FANCD2: variants seen among roughly 807,000 people sequenced by gnomAD.
The protein encoded by FANCD2 is Fanconi anemia group D2 protein.
A neutral mutation model predicts 192.3 loss-of-function variants in FANCD2; 131 were observed. The observed-to-expected ratio is 0.68, with a 90% CI of 0.59 to 0.79. The LOEUF is 0.79. Among genes scored for constraint, FANCD2 ranks in the 30% least tolerant of loss-of-function variants. The pLI is 0.00. For missense variants in FANCD2, 1,508 were observed against 1,701.6 expected, an observed-to-expected ratio of 0.89 and a Z score of 2.00; for synonymous variants, 524 against 612.5, an observed-to-expected ratio of 0.86 and a Z score of 2.13.
At chr3:10,053,808 G>C (rs1458646295) in intron 18 of FANCD2, among the ~76,000 whole-genome samples, 1 of 152,240 alleles carries the variant, frequency 6.6e-6, no homozygotes, top group East Asian at 1.9e-4. Context: ...ATGGGTCTGT[G>C]ATCAGCTAAC....
chr3:10,067,242 G>A lies in FANCD2; in HGVS notation c.2419G>A (p.Glu807Lys). Residue 807 changes from glutamate (E) to lysine (K), a missense_variant, in exon 26 of 44, where the codon GAG becomes AAG. Glu to Lys is a moderately conservative substitution (Grantham distance 56). Transcript: ENST00000675286. ...TGCCTTCTGCCAGGAAACATCACCT[G>A]AGATGAAGGGGAAGGTGCTCACTCG... ...VNAFCQETSP[E>K]MKGKVLTRLK... The A allele has an allele frequency of 6.2e-7, 1 of 1,613,590 alleles. No individual in the cohort carries two copies. Among genetic ancestry groups the A allele is most frequent in the East Asian group, 2.2e-5 (1 of 44,880 alleles).
At position 10,090,673 on chromosome 3, in the gene FANCD2, T is replaced by C. The variant is rs190275884; in HGVS notation, c.3777+288T>C. ...CAGGGTTTCACCATGTTGGCCAGGC[T>C]AGTCTCGAACTCCTGACTTCATGAT... On this transcript the variant is annotated intron_variant, in intron 37 of 43. Transcript: ENST00000675286. Among the ~76,000 whole-genome samples, 59 of 152,242 alleles carry C rather than the reference T, an allele frequency of 3.9e-4. 1 individual carries two copies. The highest frequency in any genetic ancestry group is 1.3e-3 in the African/African-American group (56 of 41,558).
At chr3:10,037,684 T>C (rs1393274697) in intron 7 of FANCD2, 1 of 152,136 alleles carries the variant, frequency 6.6e-6, no homozygotes, top group Non-Finnish European at 1.5e-5. Flanking sequence ...AATAAAGAAA[T>C]GTAAATAATT....
At chr3:10,067,712 C>T (rs538869047) in intron 26 of FANCD2, among the ~76,000 whole-genome samples, 3 of 152,246 alleles carry the variant, frequency 2.0e-5, no homozygotes, top group Admixed American at 6.5e-5. Context: ...ACAGGAGAAT[C>T]GCTTGAACCT....
chr3:10,081,410 T>A lies in FANCD2; in HGVS notation c.3170T>A (p.Ile1057Lys). 3 of 1,614,152 alleles carry A rather than the reference T, an allele frequency of 1.9e-6. No individual in the cohort carries two copies. Among genetic ancestry groups the A allele is most frequent in the Non-Finnish European group, 2.5e-6 (3 of 1,179,996 alleles). Residue 1057 changes from isoleucine (I) to lysine (K), a missense_variant, in exon 32 of 44, where the codon ATA becomes AAA. By Grantham distance (102) the Ile-to-Lys change is moderately radical (BLOSUM62 -3). Around this residue, in one of 5 missense-constraint regions of FANCD2, gnomAD observed 796 missense variants for 879.4 expected, o/e 0.91. Transcript: ENST00000675286. ...GPGVKVQEYHIMSSCYQRLLQ... is the reference protein window; with the variant it reads ...GPGVKVQEYHKMSSCYQRLLQ... ...GGAGTGAAAGTTCAGGAGTACCACA[T>A]AATGTCTTCCTGCTATCAGAGGCTG...
intron 15 of FANCD2, among the ~76,000 whole-genome samples, chr3:10,047,578 C>T (rs1288242885): frequency 2.0e-5 from 3 of 152,256 alleles, no homozygotes; most frequent in Non-Finnish European, 4.4e-5. Context: ...CAAGGTGGAA[C>T]ATCCCTGGGG....
At position 10,047,942 on chromosome 3, in the gene FANCD2, T is replaced by A; in HGVS notation, c.1304T>A (p.Ile435Asn). Residue 435 changes from isoleucine to asparagine, a missense_variant, in exon 16 of 44, where the codon ATT (isoleucine) becomes AAT (asparagine). Ile to Asn is a moderately radical substitution (Grantham distance 149). Coordinates refer to ENST00000675286, the MANE Select transcript of FANCD2 (RefSeq NM_001018115.3). ...YLVLKDMCSS[I>N]LSLAQSLLHS... ...GTTCTTAAGGATATGTGTTCATCCA[T>A]TCTGTCGCTGGCTCAGAGTTTGCTT... 1 of 1,613,344 alleles carries A rather than the reference T, an allele frequency of 6.2e-7. No individual in the cohort carries two copies. The highest frequency in any genetic ancestry group is 1.1e-5 in the South Asian group (1 of 91,052).
intron 2 of FANCD2, among the ~76,000 whole-genome samples, chr3:10,031,336 T>A (rs552126934): frequency 6.6e-6 from 1 of 152,000 alleles, no homozygotes; most frequent in Admixed American, 6.6e-5. Flanking sequence ...ACCCCGTCTC[T>A]ACTAAAAATA....
At position 10,087,281 on chromosome 3, in the gene FANCD2, CTTTTTTTT is replaced by C; in HGVS notation, c.3466+29_3466+36del. ...AAAAAATTGGTGATGGGCCTAGATCCTTTTTTTTTTTTTTTTTTTAATGAATAGGACTA... is the reference window on the plus strand; with the variant it reads ...AAAAAATTGGTGATGGGCCTAGATCCTTTTTTTTTTTAATGAATAGGACTA... On this transcript the variant is annotated intron_variant, in intron 34 of 43. Transcript: ENST00000675286. 2 of 1,310,514 alleles carry C rather than the reference CTTTTTTTT, an allele frequency of 1.5e-6. No homozygotes were observed. The highest frequency in any genetic ancestry group is 2.0e-6 in the Non-Finnish European group (2 of 996,794). 81.2% of individuals were successfully genotyped at this position (1,310,514 alleles called of 1,614,324 possible).
chr3:10,039,769 C>T lies in FANCD2; in HGVS notation c.619C>T (p.Leu207=). The T allele has an allele frequency of 1.2e-6, 2 of 1,614,012 alleles. No homozygotes were observed. Among genetic ancestry groups the T allele is most frequent in the Non-Finnish European group, 1.7e-6 (2 of 1,180,022 alleles). ...GCTGATCAGTATTGCTCCAGAGAAC[C>T]TGCAGCATGACATCATCACCAGCCT... The part of the protein sequence containing the change: ...MQLISIAPEN[L]QHDIITSLPE... Residue 207 remains leucine, a synonymous_variant, in exon 9 of 44, where the codon CTG becomes TTG. Transcript: ENST00000675286.
chr3:10,096,138 A>G (rs554382679), intron 41 of FANCD2, among the ~76,000 whole-genome samples, 188 bp from the exon 42 acceptor site: 1 of 152,308 alleles, frequency 6.6e-6, no homozygotes, highest in East Asian at 1.9e-4. Context: ...TATGTCTTCT[A>G]GGCTTTGAAT....
intron 9 of FANCD2, chr3:10,040,883 T>A (rs949517361): frequency 7.3e-6 from 1 of 136,342 alleles, no homozygotes; most frequent in Non-Finnish European, 1.5e-5. Flanking sequence ...TTGTATAGTC[T>A]TTTTTTTTTT....
At chr3:10,080,621 A>G (rs534781116) in intron 30 of FANCD2, among the ~76,000 whole-genome samples, 2 of 152,164 alleles carry the variant, frequency 1.3e-5, no homozygotes, top group Non-Finnish European at 2.9e-5. Context: ...AAATACAAAA[A>G]CTAGCCATGT....
At chr3:10,058,891 T>C (rs1406591066) in intron 18 of FANCD2, among the ~76,000 whole-genome samples, 4 of 152,238 alleles carry the variant, frequency 2.6e-5, no homozygotes, top group African/African-American at 4.8e-5. Flanking sequence ...TGTGGGACTT[T>C]GATAAGGATT....
At chr3:10,075,257 C>T (rs1292826892) in intron 29 of FANCD2, among the ~76,000 whole-genome samples, 1 of 151,568 alleles carries the variant, frequency 6.6e-6, no homozygotes, top group African/African-American at 2.4e-5. Context: ...GATCTCCACT[C>T]ACTGCAAGCT....
rs2125059529 is a variant in FANCD2, at chr3:10,081,149, C to T, written c.3026C>T (p.Ala1009Val). ...IGFSHLQQRSAQEIVHCVFQL... is the reference protein window; with the variant it reads ...IGFSHLQQRSVQEIVHCVFQL... ...TTCTCACATCTCCAACAGAGATCTG[C>T]CCAAGAAATTGTTCATTGTGTTTTT... is the stretch of plus-strand genomic sequence containing the variant. Residue 1009 changes from alanine (A) to valine (V), a missense_variant, in exon 31 of 44, where the codon GCC becomes GTC. Physicochemically the swap from Ala to Val is moderately conservative, Grantham distance 64. Around this residue, in one of 5 missense-constraint regions of FANCD2, gnomAD observed 796 missense variants for 879.4 expected, o/e 0.91. Coordinates refer to ENST00000675286, the MANE Select transcript of FANCD2 (RefSeq NM_001018115.3). 6.2e-7 allele frequency: 1 copy of T among 1,614,000 alleles called. No homozygotes were observed. The highest frequency in any genetic ancestry group is 8.5e-7 in the Non-Finnish European group (1 of 1,179,898).
Position 10,039,795 on chromosome 3 carries a change from A to G in FANCD2, c.645A>G (p.Leu215=), listed in dbSNP as rs1395625701. 3.7e-6 allele frequency: 6 copies of G among 1,613,796 alleles called. No individual in the cohort carries two copies. Among genetic ancestry groups the G allele is most frequent in the Non-Finnish European group, 4.2e-6 (5 of 1,180,000 alleles). Residue 215 remains leucine, a synonymous_variant, in exon 9 of 44, where the codon CTA becomes CTG. Transcript: ENST00000675286. Reference sequence around the variant, plus strand: ...TGCAGCATGACATCATCACCAGCCTACCTGAGATCCTAGGGGATTCCCAGC... The same window carrying G: ...TGCAGCATGACATCATCACCAGCCTGCCTGAGATCCTAGGGGATTCCCAGC... The part of the protein sequence containing the change: ...ENLQHDIITS[L]PEILGDSQHA...
intron 1 of FANCD2, among the ~76,000 whole-genome samples, chr3:10,027,441 T>C (rs1319404547): frequency 6.6e-6 from 1 of 152,222 alleles, no homozygotes; most frequent in African/African-American, 2.4e-5. Flanking sequence ...AAGGTTCTGA[T>C]TTACAAGATT....
At chr3:10,067,108 A>G in intron 25 of FANCD2, 101 bp from the exon 26 acceptor site, 1 of 808,660 alleles carries the variant, frequency 1.2e-6, no homozygotes, top group Non-Finnish European at 2.1e-6. Context: ...AAACTCAAAG[A>G]TCTTGCTTTT....
Sources: gnomAD v4.1 joint callset for allele counts (sites outside exome capture counted in the v4.1 genomes callset) on GRCh38, gnomAD v4.1.1 for gene constraint, gnomAD v4.1.1 regional missense constraint, MANE v1.5 for transcripts, NCBI Gene and HGNC (gene_info 2026-07-23, HGNC 2026-07-21) for gene names.